CFAP20DC: variants seen among roughly 807,000 people sequenced by gnomAD.
The protein encoded by CFAP20DC is protein CFAP20DC.
CFAP20DC carries 84 observed loss-of-function variants against 101.7 expected under a neutral mutation model. The ratio of observed to expected loss-of-function variants is 0.83; its 90% CI spans 0.69 to 0.99. The LOEUF (loss-of-function observed/expected upper bound fraction) is 0.99, where lower values mean the gene tolerates loss of function less well. CFAP20DC is among the 50% of genes least tolerant of loss of function. The probability of loss-of-function intolerance (pLI) is 0.00; values close to 1 mark genes in which losing one functional copy is unlikely to be tolerated. For missense variants in CFAP20DC, 1,007 were observed against 970.3 expected (o/e 1.04, Z -0.50); for synonymous variants, 359 against 351.2 (o/e 1.02, Z -0.25).
intron 14 of CFAP20DC, among the ~76,000 whole-genome samples, chr3:58,829,069 C>T (rs992459928): frequency 2.0e-5 from 3 of 151,984 alleles, no homozygotes; most frequent in Non-Finnish European, 2.9e-5. Flanking sequence ...CATGGTGGCT[C>T]ACCTGTAATC....
intron 5 of CFAP20DC, among the ~76,000 whole-genome samples, chr3:58,930,551 T>C (rs912126526): frequency 3.9e-5 from 6 of 152,234 alleles, no homozygotes; most frequent in African/African-American, 1.2e-4. Flanking sequence ...CCTTCAGTCC[T>C]AACTATGACA....
chr3:58,983,597 T>C (rs1402869213), intron 4 of CFAP20DC, among the ~76,000 whole-genome samples: 1 of 152,154 alleles, frequency 6.6e-6, no homozygotes, highest in African/African-American at 2.4e-5. Context: ...ATTTGCTTAT[T>C]GGAAATAGGG....
rs1367078499 is a variant in CFAP20DC at position 59,015,365 on chromosome 3, A to C, written c.278+24192T>G. ...GAAGGAAAGGAAGAAGGAAAAGAAAAATTAGGAAGAAGAAGAATAAAAGAA... is the reference window on the plus strand; with the variant it reads ...GAAGGAAAGGAAGAAGGAAAAGAAACATTAGGAAGAAGAAGAATAAAAGAA... On this transcript the variant is annotated intron_variant, in intron 4 of 16. Transcript: ENST00000482387. The surrounding 1 kb of genome is among the most constrained non-coding windows in gnomAD (Gnocchi z 5.4). Among the ~76,000 whole-genome samples the C allele has an allele frequency of 6.6e-6, 1 of 152,016 alleles. No individual in the cohort carries two copies. The highest frequency in any genetic ancestry group is 1.5e-5 in the Non-Finnish European group (1 of 67,992).
chr3:58,732,606 TGG>T lies in CFAP20DC; in HGVS notation c.198-14980_198-14979del, dbSNP rs1222507292. On this transcript the variant is annotated intron_variant, in intron 3 of 3. Transcript: ENST00000486145. This position sits in a 1 kb window ranked among gnomAD's most constrained non-coding sequence, Gnocchi z 5.4. ...TATTGAAAATGGAAATAAAACCGAATGGTGCTAGAATTAGTAGGAGAATTAAG... is the reference window on the plus strand; with the variant it reads ...TATTGAAAATGGAAATAAAACCGAATTGCTAGAATTAGTAGGAGAATTAAG... Among the ~76,000 whole-genome samples the T allele has an allele frequency of 1.1e-4, 17 of 152,328 alleles. No individual in the cohort carries two copies. The East Asian group carries it at 3.3e-3, about 29-fold the overall frequency.
rs73837962 is a variant in CFAP20DC, at chr3:58,795,145, A to G, written c.2237+11250T>C. ...TACTTCTATTTTTTTAAAGGTTCTC[A>G]TTACTCTTGAGGGGGAAGCTGAATC... On this transcript the variant is annotated intron_variant, in intron 15 of 16. Coordinates refer to ENST00000482387, the MANE Select transcript of CFAP20DC (RefSeq NM_001394063.1). This position sits in a 1 kb window ranked among gnomAD's most constrained non-coding sequence, Gnocchi z 4.2. Among the ~76,000 whole-genome samples the G allele has an allele frequency of 4.5e-3, 686 of 152,270 alleles. 5 individuals are homozygous for G. The highest frequency in any genetic ancestry group is 0.016 in the African/African-American group (648 of 41,546).
rs575487133 is a variant in CFAP20DC, at chr3:58,892,596, T to C, written c.551-7887A>G. On this transcript the variant is annotated intron_variant, in intron 6 of 16. Transcript: ENST00000482387. The surrounding 1 kb of genome is among the most constrained non-coding windows in gnomAD (Gnocchi z 4.0). ...AGATATTTTATTCTTTTTGTGGCAA[T>C]TGTGAATGGGAGTTCATTCATGATT... is the stretch of plus-strand genomic sequence containing the variant. 3.3e-5 allele frequency among the ~76,000 whole-genome samples: 5 copies of C among 152,350 alleles called. No homozygotes were observed. The highest frequency in any genetic ancestry group is 9.6e-5 in the African/African-American group (4 of 41,600).
At chr3:58,854,481 A>T (rs1353345525) in intron 12 of CFAP20DC, among the ~76,000 whole-genome samples, 1 of 152,036 alleles carries the variant, frequency 6.6e-6, no homozygotes, top group Non-Finnish European at 1.5e-5. Context: ...ATTGGAAAAA[A>T]CTACTTTAAA....
At chr3:58,744,378 C>A (rs1266831033) in intron 16 of CFAP20DC, among the ~76,000 whole-genome samples, 1 of 152,064 alleles carries the variant, frequency 6.6e-6, no homozygotes, top group East Asian at 1.9e-4. Context: ...TCAGTCGGAC[C>A]TTGATTATGC....
At chr3:58,921,483 A>AT (rs201571236) in intron 5 of CFAP20DC, among the ~76,000 whole-genome samples, 2,738 of 151,306 alleles carry the variant, frequency 0.018, 71 homozygotes, top group African/African-American at 0.061. Context: ...TAATATTCTA[A>AT]TTTTTTTTTA....
intron 5 of CFAP20DC, among the ~76,000 whole-genome samples, chr3:58,929,639 T>C (rs1227927770): frequency 6.6e-6 from 1 of 152,234 alleles, no homozygotes; most frequent in Non-Finnish European, 1.5e-5. Flanking sequence ...CATCCATTTA[T>C]TCCATAATCA....
At chr3:58,743,003 G>C (rs777501862) in intron 16 of CFAP20DC, among the ~76,000 whole-genome samples, 1 of 152,088 alleles carries the variant, frequency 6.6e-6, no homozygotes, top group Non-Finnish European at 1.5e-5. Flanking sequence ...AACTTGATCC[G>C]CATTCAATCA....
chr3:58,731,653 T>A (rs756204804), intron 3 of CFAP20DC, among the ~76,000 whole-genome samples: 5 of 152,224 alleles, frequency 3.3e-5, no homozygotes, highest in Non-Finnish European at 5.9e-5. Flanking sequence ...AAAATATCAA[T>A]AACCTTGAAA....
In CFAP20DC at chr3:59,049,985, GA is replaced by G; in HGVS notation, c.-355del. On this transcript the variant is annotated 5_prime_UTR_variant, in exon 1 of 17. Coordinates refer to ENST00000482387, the MANE Select transcript of CFAP20DC (RefSeq NM_001394063.1). ...CACAGACAACCGCCCGCTGGCCTAG[GA>G]AAAGCGGGCGCGCTCCCGCTGCCGC... The G allele has an allele frequency of 3.8e-6, 1 of 265,610 alleles. No individual in the cohort carries two copies. The highest frequency in any genetic ancestry group is 7.1e-6 in the Non-Finnish European group (1 of 140,402). The allele number at this position is 265,610 out of a possible 1,614,324, so 16.5% of individuals were successfully genotyped here.
intron 13 of CFAP20DC, among the ~76,000 whole-genome samples, chr3:58,845,180 A>C (rs1466211012): frequency 6.6e-6 from 1 of 151,376 alleles, no homozygotes; most frequent in Middle Eastern, 3.4e-3. Flanking sequence ...AACTGAAGGA[A>C]ATAGAGACAC....
At position 58,742,504 on chromosome 3, in the gene CFAP20DC, A is replaced by G. The variant is rs1164703620; in HGVS notation, c.2401T>C (p.Cys801Arg). 1.2e-6 allele frequency: 2 copies of G among 1,608,108 alleles called. No homozygotes were observed. The highest frequency in any genetic ancestry group is 4.5e-5 in the East Asian group (2 of 44,564). Residue 801 changes from cysteine (C) to arginine (R), a missense_variant, in exon 17 of 17, where the codon TGT becomes CGT. Transcript: ENST00000482387. The stretch of plus-strand genomic sequence containing the variant: ...TTCCCTGTTTGGGGGTCAAAGTAAC[A>G]GTTCAGACAAGGGTCATACAACAAA... ...LTLLYDPCLN[C>R]YFDPQTGKYY...
At chr3:58,824,273 G>C (rs1040746377) in intron 14 of CFAP20DC, among the ~76,000 whole-genome samples, 1 of 152,100 alleles carries the variant, frequency 6.6e-6, no homozygotes. Flanking sequence ...TAATTATAAG[G>C]AGTCTGAAAT....
chr3:58,757,702 T>C lies in CFAP20DC; in HGVS notation c.2238-3839A>G, dbSNP rs148447434. On this transcript the variant is annotated intron_variant, in intron 15 of 16. Transcript: ENST00000482387. ...TTTCTGGTCCATTTTTAGTTTATTCTGGTATATGGTGTGAGTTTGTTCTGG... is the reference window on the plus strand; with the variant it reads ...TTTCTGGTCCATTTTTAGTTTATTCCGGTATATGGTGTGAGTTTGTTCTGG... 6.6e-3 allele frequency among the ~76,000 whole-genome samples: 997 copies of C among 152,208 alleles called. 13 individuals are homozygous for C. Among genetic ancestry groups the C allele is most frequent in the African/African-American group, 0.023 (937 of 41,542 alleles).
intron 14 of CFAP20DC, among the ~76,000 whole-genome samples, chr3:58,817,103 C>G (rs1294616191): frequency 3.9e-5 from 6 of 151,974 alleles, no homozygotes; most frequent in Non-Finnish European, 5.9e-5. Context: ...GGAAAACTAA[C>G]AAACAGAAAG....
intron 4 of CFAP20DC, among the ~76,000 whole-genome samples, chr3:58,962,293 C>T (rs995247313): frequency 5.3e-5 from 8 of 152,188 alleles, no homozygotes; most frequent in Non-Finnish European, 7.3e-5. Flanking sequence ...AAGACACACA[C>T]TATTTAATTT....
Sources: allele counts gnomAD v4.1 joint callset (sites outside exome capture counted in the v4.1 genomes callset), GRCh38; gene constraint gnomAD v4.1.1; non-coding constraint Gnocchi (gnomAD v3.1); transcripts MANE v1.5; gene names NCBI Gene and HGNC (gene_info 2026-07-23, HGNC 2026-07-21).